The following CAPN3 variants were observed in gnomAD, a reference collection of about 807,000 sequenced individuals.
CAPN3 encodes the protein calpain-3.
CAPN3 carries 88 observed loss-of-function variants against 114.0 expected under a neutral mutation model. The ratio of observed to expected loss-of-function variants is 0.77; its 90% CI spans 0.65 to 0.92. CAPN3 has a LOEUF of 0.92. Ranked by LOEUF, CAPN3 falls within the 40% of genes least tolerant of loss-of-function variation. The pLI, the probability that CAPN3 is intolerant of heterozygous loss-of-function variation, is 0.00. For missense variants in CAPN3, 1,028 were observed against 1,069.0 expected (o/e 0.96, Z 0.53); for synonymous variants, 386 against 382.9 (o/e 1.01, Z -0.09).
chr15:42,370,878 T>TCATAACATCAGAGCA (rs151276414), intron 1 of CAPN3, among the ~76,000 whole-genome samples: 3 of 152,008 alleles, frequency 2.0e-5, no homozygotes, highest in African/African-American at 7.3e-5. Flanking sequence ...TGTTATGACT[T>TCATAACATCAGAGCA]CATAACATCA....
intron 2 of CAPN3, chr15:42,385,706 GCCTT>G (rs1566974129): frequency 3.8e-6 from 2 of 520,688 alleles, no homozygotes; most frequent in Non-Finnish European, 7.7e-6. Context: ...TGCCTACCTG[GCCTT>G]CCTTCCAATA....
rs750691651 is a variant in CAPN3 at position 42,359,941 on chromosome 15, A to G, written c.136A>G (p.Ile46Val). The change falls in exon 1 of 24, where the codon ATC becomes GTC. Residue 46 changes from isoleucine (I) to valine (V), a missense_variant. By Grantham distance (29) the Ile-to-Val change is conservative. Coordinates refer to ENST00000397163, the MANE Select transcript of CAPN3 (RefSeq NM_000070.3). ...GGNPSGIYSA[I>V]ISRNFPIIGV... is the part of the protein sequence containing the mutation. ...AAACCCAAGTGGCATCTATTCAGCC[A>G]TCATCAGCCGCAATTTTCCTATTAT... 1.2e-6 allele frequency: 2 copies of G among 1,614,248 alleles called. No homozygotes were observed. Among genetic ancestry groups the G allele is most frequent in the Non-Finnish European group, 1.7e-6 (2 of 1,180,038 alleles).
intron 1 of CAPN3, among the ~76,000 whole-genome samples, chr15:42,381,275 C>T (rs1390052040): frequency 6.6e-6 from 1 of 152,046 alleles, no homozygotes. Flanking sequence ...TTTCTTCTCC[C>T]TAAAGAACTT....
At chr15:42,381,938 T>C (rs2053261648) in intron 1 of CAPN3, among the ~76,000 whole-genome samples, 1 of 152,220 alleles carries the variant, frequency 6.6e-6, no homozygotes, top group Non-Finnish European at 1.5e-5. Context: ...GGTTATTCTC[T>C]AGTATATTCC....
intron 1 of CAPN3, among the ~76,000 whole-genome samples, chr15:42,361,491 A>G (rs2052642571): frequency 6.6e-6 from 1 of 151,972 alleles, no homozygotes. Context: ...CAATAACAAC[A>G]ACAAACCTGA....
At chr15:42,364,760 G>A (rs932052425) in intron 1 of CAPN3, among the ~76,000 whole-genome samples, 2 of 152,200 alleles carry the variant, frequency 1.3e-5, no homozygotes, top group Non-Finnish European at 2.9e-5. Context: ...GGCTTTAAAG[G>A]CTCACTGAGA....
chr15:42,407,726 C>G (rs1354745053), intron 15 of CAPN3, among the ~76,000 whole-genome samples: 3 of 152,180 alleles, frequency 2.0e-5, no homozygotes, highest in Non-Finnish European at 4.4e-5. Context: ...TGTCCTTTTT[C>G]AATCTATACT....
rs190565895 is a variant in CAPN3 at position 42,373,142 on chromosome 15, G to A, written c.310-11341G>A. ...CAGGAGGTGGAGGTTGCAGTGAGCC[G>A]AGATCATGCCACCGCACTCCAGCCT... On this transcript the variant is annotated intron_variant, in intron 1 of 23. Coordinates refer to ENST00000397163, the MANE Select transcript of CAPN3 (RefSeq NM_000070.3). 2.0e-4 allele frequency among the ~76,000 whole-genome samples: 31 copies of A among 152,188 alleles called. No homozygotes were observed. In the East Asian group the frequency reaches 5.4e-3, roughly 27 times the overall value.
At position 42,402,453 on chromosome 15, in the gene CAPN3, CT is replaced by C. The variant is rs550211951; in HGVS notation, c.1536+320del. On this transcript the variant is annotated intron_variant, in intron 12 of 23. Coordinates refer to ENST00000397163, the MANE Select transcript of CAPN3 (RefSeq NM_000070.3). The stretch of plus-strand genomic sequence containing the variant: ...GACGCGTTCTGAGGGTGGCTGCCCG[CT>C]TGGGATGGAGGAATCACTTCCCTCA... 1.9e-3 allele frequency: 2,769 copies of C among 1,428,580 alleles called. 5 individuals carry two copies. Among genetic ancestry groups the C allele is most frequent in the South Asian group, 2.4e-3 (163 of 66,912 alleles). 88.5% of individuals were successfully genotyped at this position (1,428,580 alleles called of 1,614,324 possible). A position where few individuals can be genotyped will look rare whatever the true frequency, so the allele number is the denominator to read the frequency against.
At chr15:42,403,862 G>A in intron 14 of CAPN3, 85 bp downstream of exon 14, 1 of 1,206,706 alleles carries the variant, frequency 8.3e-7, no homozygotes. Flanking sequence ...AGGGGAGAAT[G>A]GGCACTGGCA....
intron 9 of CAPN3, among the ~76,000 whole-genome samples, chr15:42,398,167 T>C (rs903027533): frequency 1.3e-5 from 2 of 151,954 alleles, no homozygotes; most frequent in Admixed American, 1.3e-4. Flanking sequence ...GGGGTACATA[T>C]GATATTTTGA....
chr15:42,399,016 C>T (rs28745878), intron 9 of CAPN3, among the ~76,000 whole-genome samples: 5,410 of 152,050 alleles, frequency 0.036, 105 homozygotes, highest in African/African-American at 0.047. Flanking sequence ...AACTCCTAGC[C>T]TCAGGTGATC....
chr15:42,390,507 T>A (rs28364428), intron 6 of CAPN3, among the ~76,000 whole-genome samples: 2,961 of 152,286 alleles, frequency 0.019, 45 homozygotes, highest in Middle Eastern at 0.031. Context: ...TTTTTCAATA[T>A]TTGTGGAAAA....
chr15:42,392,569 A>C (rs1341814683), intron 6 of CAPN3, 70 bp from the exon 7 acceptor site: 5 of 1,190,082 alleles, frequency 4.2e-6, no homozygotes, highest in Non-Finnish European at 6.2e-6. Context: ...AACTAGTATG[A>C]ACTTTGCCTC....
chr15:42,361,772 CT>C lies in CAPN3; in HGVS notation c.309+1661del, dbSNP rs367849787. On this transcript the variant is annotated intron_variant, in intron 1 of 23. Coordinates refer to ENST00000397163, the MANE Select transcript of CAPN3 (RefSeq NM_000070.3). Reference sequence around the variant, plus strand: ...ACCTGTCCAGGCCCATGTCCATCCTCTTTCCCCAGATCCTGACACACCAGCA... The same window carrying C: ...ACCTGTCCAGGCCCATGTCCATCCTCTTCCCCAGATCCTGACACACCAGCA... Among the ~76,000 whole-genome samples, 12 of 152,350 alleles carry C rather than the reference CT, an allele frequency of 7.9e-5. No individual in the cohort carries two copies. The South Asian group carries it at 2.5e-3, about 32-fold the overall frequency.
In CAPN3 at chr15:42,405,073, G is replaced by T. The variant is rs936238542; in HGVS notation, c.1783-853G>T. The T allele has an allele frequency of 4.2e-6, 4 of 962,022 alleles. No individual in the cohort carries two copies. In the African/African-American group the frequency reaches 7.1e-5, roughly 17 times the overall value. 59.6% of individuals were successfully genotyped at this position (962,022 alleles called of 1,614,324 possible). A position where few individuals can be genotyped will look rare whatever the true frequency, so the allele number is the denominator to read the frequency against. ...GGTCAACAGGAATGTTGGGGCGTGG[G>T]GCAATCTGGAAGACACAGGGAGCAG... is the stretch of plus-strand genomic sequence containing the variant. On this transcript the variant is annotated intron_variant, in intron 14 of 23. Coordinates refer to ENST00000397163, the MANE Select transcript of CAPN3 (RefSeq NM_000070.3).
intron 1 of CAPN3, among the ~76,000 whole-genome samples, chr15:42,364,283 G>A (rs1377217308): frequency 6.6e-6 from 1 of 152,148 alleles, no homozygotes; most frequent in East Asian, 1.9e-4. Context: ...TGTGAAAAAT[G>A]GAGAAAAACC....
At chr15:42,409,493 TG>T in intron 17 of CAPN3, 113 bp downstream of exon 17, 1 of 1,034,364 alleles carries the variant, frequency 9.7e-7, no homozygotes, top group Non-Finnish European at 1.5e-6. Context: ...TGGACTTTGG[TG>T]GAGCCAGGGG....
In CAPN3 at chr15:42,401,634, G is replaced by C; in HGVS notation, c.1355-7G>C. On this transcript the variant is annotated splice_polypyrimidine_tract_variant and splice_region_variant and intron_variant, in intron 10 of 23. Coordinates refer to ENST00000397163, the MANE Select transcript of CAPN3 (RefSeq NM_000070.3). Reference sequence around the variant, plus strand: ...TGTGAATGCGTGCTTCCTTTCTGGGGGTGCAGATACTTTCTGGACCAACCC... The same window carrying C: ...TGTGAATGCGTGCTTCCTTTCTGGGCGTGCAGATACTTTCTGGACCAACCC... 1 of 1,614,058 alleles carries C rather than the reference G, an allele frequency of 6.2e-7. No homozygotes were observed.
Sources: gnomAD v4.1 joint callset for allele counts (sites outside exome capture counted in the v4.1 genomes callset) on GRCh38, gnomAD v4.1.1 for gene constraint, MANE v1.5 for transcripts, NCBI Gene and HGNC (gene_info 2026-07-23, HGNC 2026-07-21) for gene names.